Variants in RELT observed in about 807,000 individuals in gnomAD.
RELT encodes RELT TNF receptor.
A neutral mutation model predicts 51.1 loss-of-function variants in RELT; 37 were observed. That is an observed-to-expected ratio of 0.72 (90% CI 0.56 to 0.95). The LOEUF is 0.95. Among genes scored for constraint, RELT ranks in the 40% least tolerant of loss-of-function variants. RELT has a pLI of 0.00. For missense variants in RELT, 535 were observed against 572.6 expected, an observed-to-expected ratio of 0.93 and a Z score of 0.67; for synonymous variants, 241 against 235.7, an observed-to-expected ratio of 1.02 and a Z score of -0.21.
intron 1 of RELT, chr11:73,384,639 G>T (rs1304383389): frequency 6.6e-6 from 1 of 152,352 alleles, no homozygotes; most frequent in Non-Finnish European, 1.5e-5. Context: ...CAGGGGTTCA[G>T]ATCTGGGTTC....
intron 1 of RELT, among the ~76,000 whole-genome samples, chr11:73,385,608 G>A (rs1866112343): frequency 6.6e-6 from 1 of 152,160 alleles, no homozygotes. Flanking sequence ...CTGTCTGGTG[G>A]GGGAGCAAGG....
intron 2 of RELT, 21 bp from the exon 3 acceptor site, chr11:73,390,530 C>G (rs748904941): frequency 1.2e-6 from 2 of 1,611,696 alleles, no homozygotes; most frequent in Non-Finnish European, 1.7e-6. Context: ...CTGCCTCTTT[C>G]AATGCCTACT....
chr11:73,380,132 C>T (rs899340249), intron 1 of RELT, among the ~76,000 whole-genome samples: 2 of 152,180 alleles, frequency 1.3e-5, no homozygotes, highest in East Asian at 1.9e-4. Flanking sequence ...CTGTGGGTAC[C>T]GCATGCTCAG....
chr11:73,388,751 C>A lies in RELT; in HGVS notation c.-25-361C>A, dbSNP rs1488734113. 6.6e-6 allele frequency among the ~76,000 whole-genome samples: 1 copy of A among 152,174 alleles called. No individual in the cohort carries two copies. The highest frequency in any genetic ancestry group is 1.5e-5 in the Non-Finnish European group (1 of 68,006). ...CTGGGGTGTTGGGTGTTGGTTGCAA[C>A]CCTGTCATCACGGACACAGGCCGCC... On this transcript the variant is annotated intron_variant, in intron 1 of 10. Transcript: ENST00000064780. The surrounding 1 kb of genome is among the most constrained non-coding windows in gnomAD (Gnocchi z 4.1).
chr11:73,389,075 C>T (rs1292964547), intron 1 of RELT, 37 bp from the exon 2 acceptor site: 3 of 1,124,634 alleles, frequency 2.7e-6, no homozygotes, highest in Non-Finnish European at 3.9e-6. Context: ...CTGCCTGTCC[C>T]TGCCGCTCTG....
chr11:73,392,156 C>T lies in RELT; in HGVS notation c.368-55C>T, dbSNP rs531052483. The T allele has an allele frequency of 3.0e-5, 48 of 1,581,022 alleles. No individual in the cohort carries two copies. In the African/African-American group the frequency reaches 5.8e-4, roughly 19 times the overall value. On this transcript the variant is annotated intron_variant, in intron 5 of 10. Coordinates refer to ENST00000064780, the MANE Select transcript of RELT (RefSeq NM_152222.2). ...TGACTCGGGCCCTGGGCCCCTGTCT[C>T]TCTGTGTTTGTGTCACTCTGCTTTT...
intron 1 of RELT, among the ~76,000 whole-genome samples, chr11:73,387,070 C>T (rs370856710): frequency 4.6e-5 from 7 of 152,032 alleles, no homozygotes; most frequent in East Asian, 1.9e-4. Context: ...CTCAGCCTCC[C>T]GAGTAGCTGG....
At chr11:73,392,531 T>G (rs1256551885) in intron 6 of RELT, 63 bp downstream of exon 6, 1 of 1,560,116 alleles carries the variant, frequency 6.4e-7, no homozygotes. Context: ...CAGCTCCACT[T>G]GGGGGCTGCC....
At chr11:73,393,598 A>C in intron 6 of RELT, 1 of 1,479,578 alleles carries the variant, frequency 6.8e-7, no homozygotes, top group Non-Finnish European at 9.0e-7. Context: ...CGTGGCCCTG[A>C]AGCCTCTATG....
At chr11:73,382,562 A>G (rs764805903) in intron 1 of RELT, among the ~76,000 whole-genome samples, 7 of 152,172 alleles carry the variant, frequency 4.6e-5, no homozygotes, top group Non-Finnish European at 8.8e-5. Flanking sequence ...GGTGGCCAGA[A>G]GCAGTGGAGA....
intron 1 of RELT, among the ~76,000 whole-genome samples, chr11:73,383,869 T>G (rs935731026): frequency 2.6e-5 from 4 of 152,238 alleles, no homozygotes; most frequent in Admixed American, 2.6e-4. Flanking sequence ...CTGCCCTACT[T>G]CAGCCCCACT....
chr11:73,392,160 G>C (rs748680760), intron 5 of RELT, 51 bp from the exon 6 acceptor site: 3 of 1,588,908 alleles, frequency 1.9e-6, no homozygotes, highest in East Asian at 2.3e-5. Flanking sequence ...CTGTCTCTCT[G>C]TGTTTGTGTC....
intron 1 of RELT, among the ~76,000 whole-genome samples, chr11:73,383,345 C>T (rs572249211): frequency 2.6e-5 from 4 of 152,348 alleles, no homozygotes; most frequent in East Asian, 3.9e-4. Context: ...CAGACTTCCC[C>T]GGTCTTCCTG....
intron 6 of RELT, 130 bp from the exon 7 acceptor site, chr11:73,393,707 C>A: frequency 6.3e-7 from 1 of 1,574,890 alleles, no homozygotes; most frequent in Non-Finnish European, 8.7e-7. Flanking sequence ...CTCTGGGAGG[C>A]TTGTCACCTA....
chr11:73,394,208 G>A lies in RELT; in HGVS notation c.707-28G>A. On this transcript the variant is annotated intron_variant, in intron 7 of 10. Transcript: ENST00000064780. The surrounding 1 kb of genome is among the most constrained non-coding windows in gnomAD (Gnocchi z 4.9). Reference sequence around the variant, plus strand: ...GGGAGGTGTGTCCCATATGGCCACAGTGAGGGTCTGACTGCAGCTACCCAC... The same window carrying A: ...GGGAGGTGTGTCCCATATGGCCACAATGAGGGTCTGACTGCAGCTACCCAC... 1 of 1,575,780 alleles carries A rather than the reference G, an allele frequency of 6.3e-7. No individual in the cohort carries two copies. Among genetic ancestry groups the A allele is most frequent in the Non-Finnish European group, 8.6e-7 (1 of 1,160,116 alleles).
chr11:73,381,756 C>T (rs962517303), intron 1 of RELT, among the ~76,000 whole-genome samples: 3 of 152,206 alleles, frequency 2.0e-5, no homozygotes, highest in African/African-American at 7.2e-5. Flanking sequence ...CTGACCATGG[C>T]CCTGGCTGGT....
chr11:73,385,797 C>T (rs562656460), intron 1 of RELT, among the ~76,000 whole-genome samples: 2 of 152,100 alleles, frequency 1.3e-5, no homozygotes, highest in East Asian at 1.9e-4. Flanking sequence ...GAGGCCAAGG[C>T]GAGAGGATCG....
intron 9 of RELT, 22 bp from the exon 10 acceptor site, chr11:73,395,065 G>A: frequency 6.3e-7 from 1 of 1,599,646 alleles, no homozygotes; most frequent in Non-Finnish European, 8.6e-7. Flanking sequence ...TAACGGGGAT[G>A]ATTGCCCCAC....
chr11:73,392,446 C>A lies in RELT; in HGVS notation c.603C>A (p.Pro201=). The A allele has an allele frequency of 6.2e-7, 1 of 1,612,928 alleles. No individual in the cohort carries two copies. The highest frequency in any genetic ancestry group is 8.5e-7 in the Non-Finnish European group (1 of 1,179,858). Residue 201 remains proline, a synonymous_variant, in exon 6 of 11, where the codon CCC becomes CCA. Transcript: ENST00000064780. ...YHCTAHKEVG[P]GPGGGGSGIN... ...GCACGGCGCACAAGGAGGTCGGGCC[C>A]GGCCCTGGAGGTGGAGGCAGTGGTG...
Sources: allele counts gnomAD v4.1 joint callset (sites outside exome capture counted in the v4.1 genomes callset), GRCh38; gene constraint gnomAD v4.1.1; non-coding constraint Gnocchi (gnomAD v3.1); transcripts MANE v1.5; gene names NCBI Gene and HGNC (gene_info 2026-07-23, HGNC 2026-07-21).